The following CACNA1C variants were observed in gnomAD, a reference collection of about 807,000 sequenced individuals.
CACNA1C encodes calcium voltage-gated channel subunit alpha1 C, also known as voltage-dependent L-type calcium channel subunit alpha-1C.
CACNA1C carries 30 observed loss-of-function variants against 229.0 expected under a neutral mutation model. The observed-to-expected ratio is 0.13, with a 90% CI of 0.10 to 0.18. CACNA1C has a LOEUF of 0.18. CACNA1C is among the 10% of genes least tolerant of loss of function. The pLI is 1.00. For synonymous variants in CACNA1C, 1,114 were observed against 1,132.5 expected (o/e 0.98, Z 0.33); for missense variants, 1,658 against 2,845.0 (o/e 0.58, Z 9.49).
At chr12:2,300,286 C>G (rs2154472577) in intron 3 of CACNA1C, among the ~76,000 whole-genome samples, 1 of 152,314 alleles carries the variant, frequency 6.6e-6, no homozygotes, top group African/African-American at 2.4e-5. Flanking sequence ...GGAGTGCCTC[C>G]TGTTTGCTCA....
At position 2,053,437 on chromosome 12, in the gene CACNA1C, G is replaced by T; in HGVS notation, c.-126G>T. 6.9e-7 allele frequency: 1 copy of T among 1,456,720 alleles called. No individual in the cohort carries two copies. Among genetic ancestry groups the T allele is most frequent in the Non-Finnish European group, 9.1e-7 (1 of 1,096,752 alleles). 90.2% of individuals were successfully genotyped at this position (1,456,720 alleles called of 1,614,324 possible). A position where few individuals can be genotyped will look rare whatever the true frequency, so the allele number is the denominator to read the frequency against. On this transcript the variant is annotated 5_prime_UTR_variant, in exon 1 of 47. Coordinates refer to ENST00000399655, the MANE Select transcript of CACNA1C (RefSeq NM_000719.7). This position sits in a 1 kb window ranked among gnomAD's most constrained non-coding sequence, Gnocchi z 5.8. Reference sequence around the variant, plus strand: ...GGGAAGAAGAAACGCTGCAGACCACGGCTTCCTCGAATCTTGCGCGAAAGC... The same window carrying T: ...GGGAAGAAGAAACGCTGCAGACCACTGCTTCCTCGAATCTTGCGCGAAAGC...
At chr12:2,618,890 C>T (rs534909537) in intron 29 of CACNA1C, among the ~76,000 whole-genome samples, 1 of 152,320 alleles carries the variant, frequency 6.6e-6, no homozygotes, top group South Asian at 2.1e-4. Flanking sequence ...ACATTGCTGG[C>T]TGAAATGTAC....
intron 13 of CACNA1C, among the ~76,000 whole-genome samples, chr12:2,572,297 TTCCTCC>T (rs144703116): frequency 5.4e-5 from 6 of 111,854 alleles, no homozygotes; most frequent in Admixed American, 2.0e-4. Context: ...TTGATTATTA[TTCCTCC>T]TCCTCCTCCT....
chr12:2,299,549 G>T (rs1004693113), intron 3 of CACNA1C, among the ~76,000 whole-genome samples: 3 of 152,256 alleles, frequency 2.0e-5, no homozygotes, highest in East Asian at 3.9e-4. Flanking sequence ...CTGAAATCAT[G>T]ATCAGAATCC....
chr12:2,211,141 G>T (rs1014098964), intron 3 of CACNA1C, among the ~76,000 whole-genome samples: 5 of 152,220 alleles, frequency 3.3e-5, no homozygotes, highest in African/African-American at 9.6e-5. Flanking sequence ...TTGCATGAAG[G>T]TCCCTTCAGC....
At chr12:2,338,691 G>A (rs1045699998) in intron 3 of CACNA1C, among the ~76,000 whole-genome samples, 3 of 152,250 alleles carry the variant, frequency 2.0e-5, no homozygotes, top group South Asian at 2.1e-4. Flanking sequence ...CGAGCGACCC[G>A]GTATGCCTGT....
intron 43 of CACNA1C, among the ~76,000 whole-genome samples, chr12:2,684,724 G>A (rs963100913): frequency 2.0e-5 from 3 of 152,234 alleles, no homozygotes; most frequent in Non-Finnish European, 4.4e-5. Context: ...TGAAATGGAA[G>A]CTGGATCTGC....
At chr12:2,622,686 G>C (rs748941738) in intron 29 of CACNA1C, among the ~76,000 whole-genome samples, 4 of 152,216 alleles carry the variant, frequency 2.6e-5, no homozygotes, top group Non-Finnish European at 2.9e-5. Flanking sequence ...TAATGGGGGA[G>C]TGTACCCCGC....
chr12:2,142,054 G>A (rs993460707), intron 3 of CACNA1C, among the ~76,000 whole-genome samples: 1 of 151,076 alleles, frequency 6.6e-6, no homozygotes, highest in South Asian at 2.1e-4. Context: ...GCACTGAATG[G>A]GGAAGTCCCT....
chr12:2,685,801 G>C lies in CACNA1C; in HGVS notation c.5639G>C (p.Arg1880Pro). Residue 1880 changes from arginine (R) to proline (P), a missense_variant, in exon 44 of 47, where the codon CGG becomes CCG. This residue lies in a region of CACNA1C where 590 missense variants were observed against 700.8 expected (regional missense o/e 0.84). Transcript: ENST00000399655. ...CCAGAGGAGGACAAGAGGGACATCCGGCAATCTCCGAAGAGGGGTTTCCTC... is the reference window on the plus strand; with the variant it reads ...CCAGAGGAGGACAAGAGGGACATCCCGCAATCTCCGAAGAGGGGTTTCCTC... The part of the protein sequence containing the change: ...TLPEEDKRDI[R>P]QSPKRGFLRS... 3 of 1,613,700 alleles carry C rather than the reference G, an allele frequency of 1.9e-6. No homozygotes were observed. Among genetic ancestry groups the C allele is most frequent in the South Asian group, 1.1e-5 (1 of 91,068 alleles).
intron 1 of CACNA1C, among the ~76,000 whole-genome samples, chr12:2,066,252 A>C (rs2059215901): frequency 6.6e-6 from 1 of 152,064 alleles, no homozygotes; most frequent in Non-Finnish European, 1.5e-5. Context: ...ATGCACGCAG[A>C]ATTAGAGTTC....
intron 6 of CACNA1C, among the ~76,000 whole-genome samples, chr12:2,489,548 C>T (rs2154571163): frequency 6.6e-6 from 1 of 152,316 alleles, no homozygotes; most frequent in South Asian, 2.1e-4. Context: ...TGCACTGAGC[C>T]AGGTCACTCT....
intron 3 of CACNA1C, among the ~76,000 whole-genome samples, chr12:2,194,102 C>T (rs936271823): frequency 6.6e-6 from 1 of 152,038 alleles, no homozygotes; most frequent in Non-Finnish European, 1.5e-5. Context: ...ATTACCTGCC[C>T]CGTCCTCCTC....
intron 3 of CACNA1C, among the ~76,000 whole-genome samples, chr12:2,148,100 A>C (rs981730427): frequency 9.2e-5 from 14 of 151,390 alleles, no homozygotes; most frequent in African/African-American, 3.4e-4. Context: ...TAAAGTCATA[A>C]GGAATCTCTG....
At chr12:2,644,530 A>T (rs1313205019) in intron 30 of CACNA1C, among the ~76,000 whole-genome samples, 1 of 152,144 alleles carries the variant, frequency 6.6e-6, no homozygotes, top group African/African-American at 2.4e-5. Flanking sequence ...ACTACCTTTT[A>T]AGTCTCCAGA....
At chr12:2,106,097 G>A (rs1224986255) in intron 1 of CACNA1C, among the ~76,000 whole-genome samples, 1 of 51,654 alleles carries the variant, frequency 1.9e-5, no homozygotes, top group Non-Finnish European at 4.7e-5. Flanking sequence ...GCGTCCTGAA[G>A]CCACTGGGCG....
chr12:2,191,841 C>T (rs1452375780), intron 3 of CACNA1C, among the ~76,000 whole-genome samples: 2 of 72,554 alleles, frequency 2.8e-5, no homozygotes, highest in East Asian at 8.7e-4. Flanking sequence ...CACAGGCACA[C>T]ACATGCACTC....
rs1021674676 is a variant in CACNA1C, at chr12:2,493,380, G to A, written c.1107G>A (p.Leu369=). 3.7e-6 allele frequency: 6 copies of A among 1,612,590 alleles called. No individual in the cohort carries two copies. Among genetic ancestry groups the A allele is most frequent in the Non-Finnish European group, 5.1e-6 (6 of 1,178,804 alleles). ...CITMEGWTDV[L]YWVNDAVGRD... The stretch of plus-strand genomic sequence containing the variant: ...CCATGGAGGGCTGGACGGACGTGCT[G>A]TACTGGGTACGTAGCATGAGTGGGC... The change falls in exon 7 of 47, where the codon CTG becomes CTA. Residue 369 remains leucine (L), a synonymous_variant. Coordinates refer to ENST00000399655, the MANE Select transcript of CACNA1C (RefSeq NM_000719.7). This position sits in a 1 kb window ranked among gnomAD's most constrained non-coding sequence, Gnocchi z 4.6.
At chr12:1,972,680 T>C (rs1473319369) in intron 1 of CACNA1C, among the ~76,000 whole-genome samples, 2 of 152,160 alleles carry the variant, frequency 1.3e-5, no homozygotes, top group Non-Finnish European at 2.9e-5. Flanking sequence ...ATGAAATACA[T>C]GAAGCATTCA....
Sources: allele counts gnomAD v4.1 joint callset (sites outside exome capture counted in the v4.1 genomes callset), GRCh38; gene constraint gnomAD v4.1.1; regional missense constraint gnomAD v4.1.1; non-coding constraint Gnocchi (gnomAD v3.1); transcripts MANE v1.5; gene names NCBI Gene and HGNC (gene_info 2026-07-23, HGNC 2026-07-21).